WSCD1: variants seen among roughly 807,000 people sequenced by gnomAD.
WSCD1 encodes WSC domain sialate O sulfotransferase 1.
In WSCD1, 41 loss-of-function variants were observed where a neutral mutation model predicts 60.4. The ratio of observed to expected loss-of-function variants is 0.68; its 90% CI spans 0.53 to 0.88. WSCD1 has a LOEUF of 0.88. Ranked by LOEUF, WSCD1 falls within the 40% of genes least tolerant of loss-of-function variation. The pLI is 0.00. For missense variants in WSCD1, 784 were observed against 796.2 expected (o/e 0.98, Z 0.18); for synonymous variants, 361 against 332.5 (o/e 1.09, Z -0.93).
Position 6,072,421 on chromosome 17 carries a change from G to A in WSCD1, c.-289+1769G>A, listed in dbSNP as rs560111955. Among the ~76,000 whole-genome samples the A allele has an allele frequency of 2.6e-5, 4 of 152,314 alleles. No homozygotes were observed. In the East Asian group the frequency reaches 7.7e-4, roughly 29 times the overall value. On this transcript the variant is annotated intron_variant, in intron 1 of 8. Coordinates refer to ENST00000317744, the MANE Select transcript of WSCD1 (RefSeq NM_015253.2). ...TCTGAATCCAGAGCCTCCAGGCCCT[G>A]ATGGAACCCCTCCGAGCAGGGCCTC...
chr17:6,123,999 CT>C lies in WSCD1; in HGVS notation c.*3339del, dbSNP rs1302390732. 1 of 152,188 alleles carries C rather than the reference CT, an allele frequency of 6.6e-6. No individual in the cohort carries two copies. Among genetic ancestry groups the C allele is most frequent in the East Asian group, 1.9e-4 (1 of 5,192 alleles). The allele number at this position is 152,188 out of a possible 1,614,324, so 9.4% of individuals were successfully genotyped here. On this transcript the variant is annotated 3_prime_UTR_variant, in exon 9 of 9. Coordinates refer to ENST00000317744, the MANE Select transcript of WSCD1 (RefSeq NM_015253.2). ...TTCCTTTCCCAGCAACCCCCCATTT[CT>C]GTTTGGGAATTCATATGATCTGCCA... is the stretch of plus-strand genomic sequence containing the variant.
At chr17:6,069,792 TGTGTGTGTGCGTGC>T (rs1207648756), upstream of WSCD1, among the ~76,000 whole-genome samples, 1 of 137,016 alleles carries the variant, frequency 7.3e-6, no homozygotes, top group Non-Finnish European at 1.6e-5. Context: ...TGTGTGTGTG[TGTGTGTGTGCGTGC>T]GTGTGTGGTG....
chr17:6,112,286 GT>G (rs1423246536), intron 7 of WSCD1, among the ~76,000 whole-genome samples: 1 of 152,072 alleles, frequency 6.6e-6, no homozygotes, highest in East Asian at 1.9e-4. Flanking sequence ...AACAAATTAG[GT>G]ATAGAGGGAA....
intron 5 of WSCD1, among the ~76,000 whole-genome samples, chr17:6,106,534 T>C (rs1911093660): frequency 6.6e-6 from 1 of 152,234 alleles, no homozygotes; most frequent in South Asian, 2.1e-4. Flanking sequence ...ATTCTATTTA[T>C]ATGACATTCC....
At chr17:6,105,821 T>C (rs905441880) in intron 5 of WSCD1, among the ~76,000 whole-genome samples, 1 of 152,178 alleles carries the variant, frequency 6.6e-6, no homozygotes, top group African/African-American at 2.4e-5. Context: ...GGTGGATTTT[T>C]TTTCCTCGGA....
At chr17:6,097,155 G>A (rs917415147) in intron 5 of WSCD1, among the ~76,000 whole-genome samples, 3 of 152,268 alleles carry the variant, frequency 2.0e-5, no homozygotes, top group African/African-American at 7.2e-5. Context: ...GCCACACACA[G>A]CCCGTGGTTT....
chr17:6,074,160 T>C (rs538767518), intron 1 of WSCD1, among the ~76,000 whole-genome samples: 21 of 152,258 alleles, frequency 1.4e-4, no homozygotes, highest in Non-Finnish European at 2.4e-4. Flanking sequence ...TTTGACCTAT[T>C]ATGTTTTATA....
chr17:6,089,010 C>T (rs1175414563), intron 3 of WSCD1, among the ~76,000 whole-genome samples: 1 of 151,968 alleles, frequency 6.6e-6, no homozygotes, highest in African/African-American at 2.4e-5. Flanking sequence ...TCTCAATCTC[C>T]TGACCTCATG....
At chr17:6,109,496 A>G in intron 5 of WSCD1, 111 bp from the exon 6 acceptor site, 1 of 1,456,096 alleles carries the variant, frequency 6.9e-7, no homozygotes, top group Non-Finnish European at 9.3e-7. Context: ...TGTGGATTCC[A>G]TACAGATACA....
intron 2 of WSCD1, among the ~76,000 whole-genome samples, chr17:6,082,963 G>T (rs917276198): frequency 6.6e-6 from 1 of 152,172 alleles, no homozygotes; most frequent in Non-Finnish European, 1.5e-5. Context: ...GTGGAAGGAA[G>T]TTCCTTCAGA....
At position 6,110,406 on chromosome 17, in the gene WSCD1, C is replaced by T. The variant is rs1911342738; in HGVS notation, c.1010-365C>T. Among the ~76,000 whole-genome samples the T allele has an allele frequency of 6.6e-6, 1 of 152,182 alleles. No individual in the cohort carries two copies. Among genetic ancestry groups the T allele is most frequent in the African/African-American group, 2.4e-5 (1 of 41,442 alleles). On this transcript the variant is annotated intron_variant, in intron 6 of 8. Transcript: ENST00000317744. This position sits in a 1 kb window ranked among gnomAD's most constrained non-coding sequence, Gnocchi z 4.8. Reference sequence around the variant, plus strand: ...GGCAGTACCTGGGTGTGTTACTTTGCTCAGCCTAGCCTCAATCCCCACCCA... The same window carrying T: ...GGCAGTACCTGGGTGTGTTACTTTGTTCAGCCTAGCCTCAATCCCCACCCA...
chr17:6,079,469 C>T (rs374687278), intron 1 of WSCD1, among the ~76,000 whole-genome samples: 6 of 152,318 alleles, frequency 3.9e-5, no homozygotes, highest in African/African-American at 1.4e-4. Context: ...ACAGCTGAGT[C>T]CTGGGGAGTG....
chr17:6,088,541 C>T (rs1909808271), intron 3 of WSCD1, among the ~76,000 whole-genome samples: 1 of 152,200 alleles, frequency 6.6e-6, no homozygotes, highest in Admixed American at 6.5e-5. Flanking sequence ...CTTTCCAGCT[C>T]TGGTAGGAAA....
Position 6,081,057 on chromosome 17 carries a change from G to C in WSCD1, c.399G>C (p.Glu133Asp). 1 of 1,540,122 alleles carries C rather than the reference G, an allele frequency of 6.5e-7. No homozygotes were observed. Among genetic ancestry groups the C allele is most frequent in the Non-Finnish European group, 8.7e-7 (1 of 1,144,850 alleles). The change falls in exon 2 of 9, where the codon GAG becomes GAC. Residue 133 changes from glutamate (E) to aspartate (D), a missense_variant. By Grantham distance (45) the Glu-to-Asp change is conservative. Coordinates refer to ENST00000317744, the MANE Select transcript of WSCD1 (RefSeq NM_015253.2). ...DSQGPPALGPEAARPAIHSRG... is the reference protein window; with the variant it reads ...DSQGPPALGPDAARPAIHSRG... ...AGGGACCGCCCGCCCTGGGCCCCGAGGCTGCCAGGCCCGCCATCCACAGCC... is the reference window on the plus strand; with the variant it reads ...AGGGACCGCCCGCCCTGGGCCCCGACGCTGCCAGGCCCGCCATCCACAGCC...
rs538575058 is a variant in WSCD1, at chr17:6,089,084, A to G, written c.542+980A>G. 2.3e-4 allele frequency among the ~76,000 whole-genome samples: 35 copies of G among 152,258 alleles called. No individual in the cohort carries two copies. In the East Asian group the frequency reaches 6.6e-3, roughly 29 times the overall value. On this transcript the variant is annotated intron_variant, in intron 3 of 8. Coordinates refer to ENST00000317744, the MANE Select transcript of WSCD1 (RefSeq NM_015253.2). ...GGCGTGAGCCACCACACCCGGCCTCACCTTTGTTATGTCACATAAATTCTT... is the reference window on the plus strand; with the variant it reads ...GGCGTGAGCCACCACACCCGGCCTCGCCTTTGTTATGTCACATAAATTCTT...
chr17:6,120,243 C>T, intron 8 of WSCD1, 66 bp from the exon 9 acceptor site: 2 of 1,546,250 alleles, frequency 1.3e-6, no homozygotes, highest in Non-Finnish European at 1.8e-6. Context: ...CCGAGCAGCC[C>T]CCCGGGGACC....
intron 3 of WSCD1, among the ~76,000 whole-genome samples, chr17:6,089,241 A>G (rs972200636): frequency 6.6e-6 from 1 of 152,230 alleles, no homozygotes; most frequent in South Asian, 2.1e-4. Flanking sequence ...AGGATGATAC[A>G]TTCTCTTTTT....
At chr17:6,081,336 T>C (rs1186734015) in intron 2 of WSCD1, among the ~76,000 whole-genome samples, 1 of 152,106 alleles carries the variant, frequency 6.6e-6, no homozygotes, top group Non-Finnish European at 1.5e-5. Flanking sequence ...GGCTTTGGAT[T>C]CAGACAGACA....
chr17:6,101,622 ACT>A lies in WSCD1; in HGVS notation c.849+6404_849+6405del, dbSNP rs1405568095. The stretch of plus-strand genomic sequence containing the variant: ...GTGATATCTGCATCTTAATGATCTG[ACT>A]CTCTGCCAGCAAGAGGGAATTGACC... On this transcript the variant is annotated intron_variant, in intron 5 of 8. Transcript: ENST00000317744. This position sits in a 1 kb window ranked among gnomAD's most constrained non-coding sequence, Gnocchi z 4.1. Among the ~76,000 whole-genome samples the A allele has an allele frequency of 6.6e-6, 1 of 151,982 alleles. No homozygotes were observed. Among genetic ancestry groups the A allele is most frequent in the African/African-American group, 2.4e-5 (1 of 41,356 alleles).
Sources: allele counts gnomAD v4.1 joint callset (sites outside exome capture counted in the v4.1 genomes callset), GRCh38; gene constraint gnomAD v4.1.1; non-coding constraint Gnocchi (gnomAD v3.1); transcripts MANE v1.5; gene names NCBI Gene and HGNC (gene_info 2026-07-23, HGNC 2026-07-21).